Variants in DMD observed in about 807,000 individuals in gnomAD.
DMD encodes mutant dystrophin.
DMD carries 63 observed loss-of-function variants against 330.1 expected under a neutral mutation model. The observed-to-expected ratio is 0.19, with a 90% CI of 0.16 to 0.24. The LOEUF (loss-of-function observed/expected upper bound fraction) is 0.24. Among genes scored for constraint, DMD ranks in the 10% least tolerant of loss-of-function variants. The pLI, the probability that DMD is intolerant of heterozygous loss-of-function variation, is 1.00. For synonymous variants in DMD, 1,223 were observed against 959.8 expected (o/e 1.27, Z -5.07); for missense variants, 3,344 against 2,684.1 (o/e 1.25, Z -5.43).
At chrX:31,852,146 A>T (rs918338595) in intron 48 of DMD, among the ~76,000 whole-genome samples, 1 of 111,286 alleles carries the variant, frequency 9.0e-6, no homozygotes, top group Non-Finnish European at 1.9e-5. Flanking sequence ...TGAGATTAGG[A>T]AGCATAGGAG....
intron 44 of DMD, among the ~76,000 whole-genome samples, chrX:32,199,826 G>C (rs1392662298): frequency 1.1e-5 from 1 of 95,081 alleles, no homozygotes; most frequent in Non-Finnish European, 2.1e-5. Flanking sequence ...GTGTGTGTGT[G>C]TATTTTTAGT....
At chrX:31,973,172 C>T (rs750522882) in intron 44 of DMD, among the ~76,000 whole-genome samples, 37 of 109,966 alleles carry the variant, frequency 3.4e-4, no homozygotes, top group African/African-American at 8.3e-4. Flanking sequence ...TGAGGGATTC[C>T]GTCTTGGTGG....
At chrX:32,269,816 C>A (rs1246565012) in intron 43 of DMD, among the ~76,000 whole-genome samples, 1 of 112,106 alleles carries the variant, frequency 8.9e-6, no homozygotes, top group Non-Finnish European at 1.9e-5. Flanking sequence ...TTTTGTTTTT[C>A]TCACTATCTC....
intron 29 of DMD, among the ~76,000 whole-genome samples, chrX:32,434,419 A>G (rs2098251130): frequency 8.9e-6 from 1 of 112,125 alleles, no homozygotes; most frequent in African/African-American, 3.2e-5. Flanking sequence ...CAAAAAAATA[A>G]AATAAAATAA....
At chrX:32,680,826 ACAGT>A (rs2062361061) in intron 9 of DMD, among the ~76,000 whole-genome samples, 1 of 110,803 alleles carries the variant, frequency 9.0e-6, no homozygotes, top group Admixed American at 9.6e-5. Flanking sequence ...ACACACACAC[ACAGT>A]CAAAGTTGTT....
intron 53 of DMD, among the ~76,000 whole-genome samples, chrX:31,677,809 G>A (rs762219480): frequency 2.7e-5 from 3 of 112,166 alleles, no homozygotes; most frequent in African/African-American, 6.5e-5. Context: ...AGGTCCCTTC[G>A]ATAAAATGGC....
chrX:32,190,612 C>T (rs2096971008), intron 44 of DMD, among the ~76,000 whole-genome samples: 1 of 84,380 alleles, frequency 1.2e-5, no homozygotes, highest in East Asian at 3.7e-4. Flanking sequence ...TATGGTGGTG[C>T]TTTTATCCAC....
chrX:32,829,592 C>T (rs187967217), intron 4 of DMD, among the ~76,000 whole-genome samples: 58 of 111,714 alleles, frequency 5.2e-4, no homozygotes, highest in Middle Eastern at 4.7e-3. Flanking sequence ...CAATTTTCTA[C>T]GTTGAATACA....
intron 55 of DMD, among the ~76,000 whole-genome samples, chrX:31,610,716 A>T (rs1168231068): frequency 8.9e-6 from 1 of 112,036 alleles, no homozygotes; most frequent in African/African-American, 3.2e-5. Flanking sequence ...TATGGGATTC[A>T]ACCTGAAAAA....
chrX:31,357,611 C>T (rs760938716), intron 60 of DMD, among the ~76,000 whole-genome samples: 5 of 110,933 alleles, frequency 4.5e-5, no homozygotes, highest in Admixed American at 1.9e-4. Context: ...AACCCTTAAC[C>T]GAGGAAATCA....
At chrX:32,626,567 T>C (rs1475129456) in intron 11 of DMD, among the ~76,000 whole-genome samples, 4 of 105,500 alleles carry the variant, frequency 3.8e-5, no homozygotes, top group Non-Finnish European at 5.6e-5. Context: ...CAATTCTTTA[T>C]ATGCAACTAG....
intron 1 of DMD, among the ~76,000 whole-genome samples, chrX:33,086,773 T>C (rs1027767947): frequency 2.5e-4 from 27 of 108,662 alleles, no homozygotes; most frequent in African/African-American, 8.3e-4. Context: ...ATATCTGTTT[T>C]CATATATATG....
intron 13 of DMD, among the ~76,000 whole-genome samples, chrX:32,586,262 G>A (rs5972608): frequency 0.15 from 16,699 of 109,303 alleles, 3,118 homozygotes; most frequent in African/African-American, 0.52. Flanking sequence ...GAACAGTGTC[G>A]TTCTAGAAAA....
At chrX:31,354,149 C>T (rs1385212504) in intron 60 of DMD, among the ~76,000 whole-genome samples, 1 of 111,475 alleles carries the variant, frequency 9.0e-6, no homozygotes, top group African/African-American at 3.3e-5. Context: ...AAAAAAGGTC[C>T]TTTTTTATAT....
At chrX:32,230,442 T>A (rs2097165161) in intron 43 of DMD, among the ~76,000 whole-genome samples, 1 of 111,110 alleles carries the variant, frequency 9.0e-6, no homozygotes, top group African/African-American at 3.3e-5. Context: ...AGACGGGGTT[T>A]CACCTTGTTG....
chrX:31,353,473 G>A (rs1210355661), intron 60 of DMD, among the ~76,000 whole-genome samples: 1 of 111,672 alleles, frequency 9.0e-6, no homozygotes, highest in African/African-American at 3.3e-5. Flanking sequence ...AGGCTGTATT[G>A]TATTCAATGT....
At chrX:31,336,040 G>A (rs951825437) in intron 61 of DMD, among the ~76,000 whole-genome samples, 6 of 112,837 alleles carry the variant, frequency 5.3e-5, no homozygotes, top group African/African-American at 1.9e-4. Context: ...GCCCCTGTAA[G>A]GGGTATGATC....
intron 1 of DMD, among the ~76,000 whole-genome samples, chrX:33,040,820 C>G (rs186624866): frequency 8.9e-5 from 10 of 112,096 alleles, no homozygotes; most frequent in Non-Finnish European, 1.9e-4. Context: ...ATAAATAAAA[C>G]TAAGCAAAAT....
At chrX:31,144,246 G>A (rs964852154) in intron 76 of DMD, among the ~76,000 whole-genome samples, 6 of 110,920 alleles carry the variant, frequency 5.4e-5, no homozygotes, top group African/African-American at 2.0e-4. Flanking sequence ...CAGAGCCCTC[G>A]TCCATCTTCT....
Sources: allele counts gnomAD v4.1 joint callset (sites outside exome capture counted in the v4.1 genomes callset), GRCh38; gene constraint gnomAD v4.1.1; transcripts MANE v1.5; gene names NCBI Gene and HGNC (gene_info 2026-07-23, HGNC 2026-07-21).